Variants in PARD3 observed in about 807,000 individuals in gnomAD.
The protein encoded by PARD3 is partitioning defective 3 homolog.
A neutral mutation model predicts 155.4 loss-of-function variants in PARD3; 75 were observed. The ratio of observed to expected loss-of-function variants is 0.48; its 90% CI spans 0.40 to 0.58. The LOEUF (loss-of-function observed/expected upper bound fraction) is 0.58. PARD3 is among the 20% of genes least tolerant of loss of function. The probability of loss-of-function intolerance (pLI) is 0.00; values close to 1 mark genes in which losing one functional copy is unlikely to be tolerated. For missense variants in PARD3, 1,642 were observed against 1,721.7 expected (o/e 0.95, Z 0.82); for synonymous variants, 576 against 610.5 (o/e 0.94, Z 0.83).
chr10:34,537,709 G>A (rs1212962042), intron 2 of PARD3, among the ~76,000 whole-genome samples: 1 of 152,188 alleles, frequency 6.6e-6, no homozygotes, highest in Non-Finnish European at 1.5e-5. Flanking sequence ...ACAAAGAAAA[G>A]CCATTGCTTA....
At chr10:34,670,544 C>T (rs1318343327) in intron 2 of PARD3, among the ~76,000 whole-genome samples, 7 of 152,156 alleles carry the variant, frequency 4.6e-5, no homozygotes, top group Non-Finnish European at 1.0e-4. Flanking sequence ...GTGAGGGTAC[C>T]TGACTAGCCC....
intron 1 of PARD3, among the ~76,000 whole-genome samples, chr10:34,701,454 T>C (rs2094277522): frequency 6.6e-6 from 1 of 151,804 alleles, no homozygotes; most frequent in African/African-American, 2.4e-5. Context: ...GAGAAGCAGA[T>C]GGCCCAGAGG....
intron 2 of PARD3, among the ~76,000 whole-genome samples, chr10:34,519,773 C>A (rs1189260102): frequency 6.6e-6 from 1 of 151,964 alleles, no homozygotes. Context: ...AAGATCCTGC[C>A]ACTGCACTCC....
At chr10:34,660,987 T>C (rs902390165) in intron 2 of PARD3, among the ~76,000 whole-genome samples, 13 of 152,318 alleles carry the variant, frequency 8.5e-5, no homozygotes, top group South Asian at 4.2e-4. Context: ...AATAGTAATG[T>C]AAATAAATGT....
At chr10:34,711,446 A>C (rs1039217245) in intron 1 of PARD3, among the ~76,000 whole-genome samples, 10 of 152,158 alleles carry the variant, frequency 6.6e-5, no homozygotes, top group African/African-American at 2.4e-4. Flanking sequence ...CCTTGAACCC[A>C]GGAGGTGAAG....
intron 20 of PARD3, among the ~76,000 whole-genome samples, chr10:34,309,256 T>C (rs938584560): frequency 4.6e-5 from 7 of 152,082 alleles, no homozygotes; most frequent in African/African-American, 1.7e-4. Context: ...ACAATGTGAA[T>C]GATCCTGTAG....
intron 5 of PARD3, among the ~76,000 whole-genome samples, chr10:34,410,607 A>C (rs1589467318): frequency 6.6e-6 from 1 of 152,188 alleles, no homozygotes; most frequent in Non-Finnish European, 1.5e-5. Flanking sequence ...TTCTAAAATG[A>C]CCGAGCCAAT....
intron 5 of PARD3, among the ~76,000 whole-genome samples, chr10:34,425,522 A>T (rs573693558): frequency 6.6e-6 from 1 of 152,000 alleles, no homozygotes; most frequent in Non-Finnish European, 1.5e-5. Context: ...CAGCCTTCCT[A>T]GCAGCTGGGA....
Position 34,309,548 on chromosome 10 carries a change from C to CAAAA in PARD3, c.3065+7555_3065+7558dup, listed in dbSNP as rs1173904388. Among the ~76,000 whole-genome samples the CAAAA allele has an allele frequency of 1.5e-3, 93 of 64,030 alleles. 2 individuals carry two copies. Among genetic ancestry groups the CAAAA allele is most frequent in the African/African-American group, 3.2e-3 (56 of 17,604 alleles). The allele number at this position is 64,030 out of a possible 152,430, so 42.0% of individuals were successfully genotyped here. A position where few individuals can be genotyped will look rare whatever the true frequency, so the allele number is the denominator to read the frequency against. On this transcript the variant is annotated intron_variant, in intron 20 of 24. Transcript: ENST00000374788. ...CTCCTGCTGAGCAAGACCCTGTCTCCAAAAAAAAAAAAAAAAAAAAAAAAA... is the reference window on the plus strand; with the variant it reads ...CTCCTGCTGAGCAAGACCCTGTCTCCAAAAAAAAAAAAAAAAAAAAAAAAAAAAA...
chr10:34,336,287 A>T (rs776922329), intron 17 of PARD3, 44 bp from the exon 18 acceptor site: 24 of 1,423,146 alleles, frequency 1.7e-5, no homozygotes, highest in Admixed American at 6.9e-5. Context: ...GTTAGTTCCC[A>T]TAGCCCACCA....
At chr10:34,240,619 G>T (rs1207319055) in intron 22 of PARD3, among the ~76,000 whole-genome samples, 2 of 152,026 alleles carry the variant, frequency 1.3e-5, no homozygotes, top group African/African-American at 4.8e-5. Context: ...GGGATTTTTG[G>T]ATTTGGTGAA....
chr10:34,386,588 T>C (rs2891453), intron 7 of PARD3, among the ~76,000 whole-genome samples: 89,005 of 151,908 alleles, frequency 0.59, 28,263 homozygotes, highest in African/African-American at 0.85. Context: ...TTTGGAAGGC[T>C]GAGGCAGGCA....
chr10:34,183,582 T>C (rs938543544), intron 22 of PARD3, among the ~76,000 whole-genome samples: 3 of 152,172 alleles, frequency 2.0e-5, no homozygotes, highest in Non-Finnish European at 4.4e-5. Flanking sequence ...CCAAGTGTCA[T>C]GGCCACCTGC....
chr10:34,182,604 C>T (rs1950314959), intron 22 of PARD3, among the ~76,000 whole-genome samples: 1 of 152,078 alleles, frequency 6.6e-6, no homozygotes, highest in African/African-American at 2.4e-5. Flanking sequence ...CTTTTGAGGA[C>T]CTGAAAAGTA....
chr10:34,428,554 T>C (rs1240907560), intron 5 of PARD3, among the ~76,000 whole-genome samples: 1 of 152,218 alleles, frequency 6.6e-6, no homozygotes, highest in African/African-American at 2.4e-5. Context: ...AGAAAACTCA[T>C]TTATATTAGT....
chr10:34,290,280 T>G (rs1055538618), intron 20 of PARD3, among the ~76,000 whole-genome samples: 1 of 152,210 alleles, frequency 6.6e-6, no homozygotes, highest in African/African-American at 2.4e-5. Flanking sequence ...CTGCCATATT[T>G]AAAAATAGAT....
intron 2 of PARD3, among the ~76,000 whole-genome samples, chr10:34,666,525 T>A (rs1043486246): frequency 2.0e-5 from 3 of 151,836 alleles, no homozygotes; most frequent in African/African-American, 7.3e-5. Context: ...GATACTTAGG[T>A]CCACCCTTAC....
At chr10:34,803,166 G>A (rs547940022) in intron 1 of PARD3, among the ~76,000 whole-genome samples, 7 of 151,228 alleles carry the variant, frequency 4.6e-5, no homozygotes, top group Admixed American at 6.6e-5. Flanking sequence ...TTGAACCCAG[G>A]AGACGGACGT....
chr10:34,187,772 T>C (rs1950548943), intron 22 of PARD3, among the ~76,000 whole-genome samples: 1 of 152,240 alleles, frequency 6.6e-6, no homozygotes, highest in Non-Finnish European at 1.5e-5. Context: ...TTCCTTCTTT[T>C]TCCTGGGCAA....
Sources: allele counts gnomAD v4.1 joint callset (sites outside exome capture counted in the v4.1 genomes callset), GRCh38; gene constraint gnomAD v4.1.1; transcripts MANE v1.5; gene names NCBI Gene and HGNC (gene_info 2026-07-23, HGNC 2026-07-21).